The following BRD10 variants were observed in gnomAD, a reference collection of about 807,000 sequenced individuals.
BRD10 encodes uncharacterized bromodomain-containing protein 10.
the BRD10 span, among the ~76,000 whole-genome samples, chr9:5,984,314 G>A: frequency 2.0e-5 from 3 of 152,104 alleles, no homozygotes; most frequent in African/African-American, 7.2e-5. Flanking sequence ...GAAGGCATAC[G>A]ACAACAGCAC....
At chr9:5,947,868 A>G in the BRD10 span, among the ~76,000 whole-genome samples, 1 of 152,192 alleles carries the variant, frequency 6.6e-6, no homozygotes, top group Non-Finnish European at 1.5e-5. Context: ...AAAAAGCAAA[A>G]CACCTTATTA....
the BRD10 span, among the ~76,000 whole-genome samples, chr9:5,949,201 T>A: frequency 6.6e-6 from 1 of 152,008 alleles, no homozygotes; most frequent in Non-Finnish European, 1.5e-5. Context: ...AGTAAGCAGT[T>A]AAAAAGCTGA....
At chr9:5,957,885 A>G in the BRD10 span, among the ~76,000 whole-genome samples, 1 of 152,176 alleles carries the variant, frequency 6.6e-6, no homozygotes, top group African/African-American at 2.4e-5. Flanking sequence ...AAATATATAC[A>G]GGGCAAGTTA....
chr9:5,962,098 T>A, the BRD10 span, among the ~76,000 whole-genome samples: 1 of 152,214 alleles, frequency 6.6e-6, no homozygotes, highest in Admixed American at 6.5e-5. Context: ...TCTTTCCTGC[T>A]TTCTCTTGTG....
chr9:5,987,058 T>C, the BRD10 span, among the ~76,000 whole-genome samples: 4 of 152,178 alleles, frequency 2.6e-5, no homozygotes, highest in Non-Finnish European at 5.9e-5. Flanking sequence ...AAAAACTGTA[T>C]GACCTTGGGC....
the BRD10 span, among the ~76,000 whole-genome samples, chr9:5,910,948 C>T: frequency 6.6e-6 from 1 of 152,026 alleles, no homozygotes; most frequent in African/African-American, 2.4e-5. Context: ...GTTATTAATC[C>T]CTTGTCAGAT....
At chr9:5,975,480 G>T in the BRD10 span, among the ~76,000 whole-genome samples, 1 of 146,966 alleles carries the variant, frequency 6.8e-6, no homozygotes, top group Non-Finnish European at 1.5e-5. Context: ...TAGCAATAAG[G>T]TCATTAAAGT....
At chr9:6,005,799 G>GA in the BRD10 span, among the ~76,000 whole-genome samples, 2 of 152,084 alleles carry the variant, frequency 1.3e-5, no homozygotes, top group East Asian at 3.9e-4. Context: ...ACACACTACA[G>GA]AAATACAAAA....
chr9:5,890,589 G>A, the BRD10 span, among the ~76,000 whole-genome samples: 5 of 152,132 alleles, frequency 3.3e-5, no homozygotes, highest in South Asian at 6.2e-4. Context: ...TTGTGGTGTC[G>A]GACCATGAAT....
chr9:6,007,115 T>G, the BRD10 span: 1 of 1,442,346 alleles, frequency 6.9e-7, no homozygotes, highest in African/African-American at 1.4e-5. Flanking sequence ...CCCAGGCCCC[T>G]GGCCCAGCCC....
At chr9:5,937,920 A>T in the BRD10 span, among the ~76,000 whole-genome samples, 1 of 152,190 alleles carries the variant, frequency 6.6e-6, no homozygotes, top group African/African-American at 2.4e-5. Context: ...AGTCATATAT[A>T]TCTGGTTCAC....
chr9:5,987,650 A>G, the BRD10 span, among the ~76,000 whole-genome samples: 1 of 152,262 alleles, frequency 6.6e-6, no homozygotes. Flanking sequence ...GCAACAAAAT[A>G]TTATAAATTG....
At chr9:5,933,284 T>A in the BRD10 span, among the ~76,000 whole-genome samples, 2 of 152,232 alleles carry the variant, frequency 1.3e-5, no homozygotes, top group African/African-American at 4.8e-5. Context: ...TGAGAGAATC[T>A]CAATGCATTA....
the BRD10 span, among the ~76,000 whole-genome samples, chr9:5,914,542 G>A: frequency 1.4e-5 from 2 of 143,974 alleles, no homozygotes; most frequent in South Asian, 4.6e-4. Flanking sequence ...TCCTGCCTCA[G>A]CCTCCCGAGT....
chr9:6,002,913 G>A, the BRD10 span, among the ~76,000 whole-genome samples: 1 of 151,864 alleles, frequency 6.6e-6, no homozygotes, highest in African/African-American at 2.4e-5. Context: ...TCAAACTCTG[G>A]GCCTCAAGTG....
the BRD10 span, among the ~76,000 whole-genome samples, chr9:5,882,818 A>T: frequency 6.6e-6 from 1 of 152,116 alleles, no homozygotes; most frequent in Admixed American, 6.5e-5. Context: ...ACCATGGAAT[A>T]CTATGCAGCC....
chr9:5,883,056 G>T, the BRD10 span, among the ~76,000 whole-genome samples: 1 of 152,110 alleles, frequency 6.6e-6, no homozygotes, highest in East Asian at 1.9e-4. Context: ...TATACCTAAT[G>T]TAAATGACGA....
chr9:5,974,902 G>C, the BRD10 span, among the ~76,000 whole-genome samples: 974 of 152,228 alleles, frequency 6.4e-3, 11 homozygotes, highest in African/African-American at 0.022. Context: ...CTAGCGCTCA[G>C]GATCCAAGTA....
At chr9:6,007,090 C>A in the BRD10 span, 1 of 1,171,562 alleles carries the variant, frequency 8.5e-7, no homozygotes, top group East Asian at 2.4e-5. Flanking sequence ...CGACTCAGCA[C>A]CTATCAGCGC....
Sources: allele counts gnomAD v4.1 joint callset (sites outside exome capture counted in the v4.1 genomes callset), GRCh38; gene constraint gnomAD v4.1.1; transcripts MANE v1.5; gene names NCBI Gene and HGNC (gene_info 2026-07-23, HGNC 2026-07-21).